Variants in SEL1L3 observed in about 807,000 individuals in gnomAD.
The protein encoded by SEL1L3 is protein sel-1 homolog 3.
A neutral mutation model predicts 142.8 loss-of-function variants in SEL1L3; 76 were observed. The observed-to-expected ratio is 0.53, with a 90% CI of 0.44 to 0.64. The LOEUF is 0.64. SEL1L3 is among the 30% of genes least tolerant of loss of function. The pLI is 0.00. For synonymous variants in SEL1L3, 504 were observed against 519.6 expected (o/e 0.97, Z 0.41); for missense variants, 1,262 against 1,381.7 (o/e 0.91, Z 1.37).
downstream of SEL1L3, among the ~76,000 whole-genome samples, chr4:25,746,515 T>TATATATTTAA (rs1717268390): frequency 1.4e-5 from 1 of 70,820 alleles, no homozygotes; most frequent in African/African-American, 4.4e-5. Flanking sequence ...TAAATATATA[T>TATATATTTAA]ATATATATAT....
chr4:25,777,598 C>G (rs1272018084), intron 16 of SEL1L3: 8 of 322,776 alleles, frequency 2.5e-5, no homozygotes, highest in Non-Finnish European at 3.0e-5. Flanking sequence ...AATCATAAAG[C>G]ACACTTTGAC....
At chr4:25,720,261 T>C in the SEL1L3 span, 1 of 152,066 alleles carries the variant, frequency 6.6e-6, no homozygotes, top group African/African-American at 2.4e-5. Context: ...AGAAGAGGAA[T>C]GTGGTGGCTA....
At chr4:25,722,428 A>T in the SEL1L3 span, among the ~76,000 whole-genome samples, 1 of 152,110 alleles carries the variant, frequency 6.6e-6, no homozygotes, top group African/African-American at 2.4e-5. Flanking sequence ...CTCTGATCCC[A>T]TTTAAGATGA....
At chr4:25,715,262 C>A in the SEL1L3 span, among the ~76,000 whole-genome samples, 1 of 152,256 alleles carries the variant, frequency 6.6e-6, no homozygotes, top group Admixed American at 6.5e-5. Context: ...GAGATTGAGG[C>A]AGGACCATCA....
At chr4:25,823,733 G>C (rs1406301301) in intron 6 of SEL1L3, among the ~76,000 whole-genome samples, 2 of 152,094 alleles carry the variant, frequency 1.3e-5, no homozygotes, top group South Asian at 4.1e-4. Context: ...CAGAGGGAAA[G>C]AAAACAAAGT....
chr4:25,736,076 G>A, the SEL1L3 span, among the ~76,000 whole-genome samples: 14 of 151,590 alleles, frequency 9.2e-5, no homozygotes, highest in Non-Finnish European at 1.6e-4. Context: ...TGATCCACCC[G>A]CCTCGGCCTC....
At chr4:25,804,353 C>T (rs533523493) in intron 10 of SEL1L3, among the ~76,000 whole-genome samples, 188 bp downstream of exon 10, 3 of 152,252 alleles carry the variant, frequency 2.0e-5, no homozygotes, top group South Asian at 4.1e-4. Flanking sequence ...GATGAAGTGC[C>T]CTTTTTCACT....
chr4:25,746,580 TATAG>T (rs1270919424), downstream of SEL1L3, among the ~76,000 whole-genome samples: 4 of 141,322 alleles, frequency 2.8e-5, no homozygotes, highest in South Asian at 2.2e-4. Context: ...TCTTTCTATA[TATAG>T]ATAGATATAG....
intron 16 of SEL1L3, among the ~76,000 whole-genome samples, chr4:25,778,158 C>T (rs1719761901): frequency 6.6e-6 from 1 of 151,950 alleles, no homozygotes; most frequent in Non-Finnish European, 1.5e-5. Flanking sequence ...TGTGCTCCAC[C>T]AAAATTTAAG....
rs1378676975 is a variant in SEL1L3, at chr4:25,757,547, G to A, written c.3246C>T (p.Phe1082=). Residue 1082 remains phenylalanine (F), a synonymous_variant, in exon 23 of 24, where the codon TTC becomes TTT. Transcript: ENST00000399878. The part of the protein sequence containing the change: ...SILIAWTVQY[F]QSVSASDPPP... ...ATAAATCTTTACCTGAGACAGACTGGAAATACTGCACAGTCCAGGCGATCA... is the reference window on the plus strand; with the variant it reads ...ATAAATCTTTACCTGAGACAGACTGAAAATACTGCACAGTCCAGGCGATCA... 1 of 1,545,534 alleles carries A rather than the reference G, an allele frequency of 6.5e-7. No individual in the cohort carries two copies. Among genetic ancestry groups the A allele is most frequent in the Non-Finnish European group, 8.7e-7 (1 of 1,144,974 alleles).
At chr4:25,761,770 A>G (rs535504822) in intron 20 of SEL1L3, among the ~76,000 whole-genome samples, 1 of 152,324 alleles carries the variant, frequency 6.6e-6, no homozygotes, top group African/African-American at 2.4e-5. Context: ...ACAGTAAGAA[A>G]GTATCAACAT....
chr4:25,790,388 A>C, intron 12 of SEL1L3, 67 bp downstream of exon 12: 1 of 1,501,994 alleles, frequency 6.7e-7, no homozygotes, highest in Non-Finnish European at 9.3e-7. Flanking sequence ...GAGATGTTTC[A>C]TTACCACGGT....
At chr4:25,814,423 A>G (rs1026112397) in intron 9 of SEL1L3, among the ~76,000 whole-genome samples, 9 of 152,232 alleles carry the variant, frequency 5.9e-5, no homozygotes, top group Non-Finnish European at 1.2e-4. Context: ...TTCAGTGCCT[A>G]CAATAAGAAT....
chr4:25,832,147 T>C (rs1480806238), intron 5 of SEL1L3, among the ~76,000 whole-genome samples: 2 of 152,214 alleles, frequency 1.3e-5, no homozygotes, highest in Non-Finnish European at 1.5e-5. Flanking sequence ...TACAGACTCT[T>C]CTCAGGAAAG....
chr4:25,841,421 A>C (rs756766553), intron 2 of SEL1L3, among the ~76,000 whole-genome samples: 3 of 152,240 alleles, frequency 2.0e-5, no homozygotes, highest in Non-Finnish European at 4.4e-5. Flanking sequence ...CAAAGTGCTT[A>C]ACACACACAG....
intron 16 of SEL1L3, among the ~76,000 whole-genome samples, chr4:25,778,071 C>T (rs1719755436): frequency 6.6e-6 from 1 of 152,152 alleles, no homozygotes; most frequent in Non-Finnish European, 1.5e-5. Flanking sequence ...TTGACAACTC[C>T]TGTAAAACAT....
chr4:25,746,457 C>T (rs887958900), downstream of SEL1L3, among the ~76,000 whole-genome samples: 5 of 139,214 alleles, frequency 3.6e-5, no homozygotes, highest in African/African-American at 1.4e-4. Context: ...TGCAGTGAGC[C>T]GAGATCGTGC....
intron 17 of SEL1L3, among the ~76,000 whole-genome samples, chr4:25,775,959 T>C (rs938801274): frequency 2.0e-5 from 3 of 152,074 alleles, no homozygotes; most frequent in Non-Finnish European, 4.4e-5. Context: ...TAAGATCCCC[T>C]ATGCTGTCTC....
chr4:25,783,596 G>A lies in SEL1L3; in HGVS notation c.2280+632C>T, dbSNP rs114975264. On this transcript the variant is annotated intron_variant, in intron 14 of 23. Coordinates refer to ENST00000399878, the MANE Select transcript of SEL1L3 (RefSeq NM_015187.5). ...CACACATGAGTGTGCACATGTGGCT[G>A]TGCATGCATTGGGCATATGTGTGTA... Among the ~76,000 whole-genome samples the A allele has an allele frequency of 3.8e-3, 584 of 152,278 alleles. 4 individuals carry two copies. The highest frequency in any genetic ancestry group is 0.013 in the African/African-American group (558 of 41,556).
Sources: gnomAD v4.1 joint callset for allele counts (sites outside exome capture counted in the v4.1 genomes callset) on GRCh38, gnomAD v4.1.1 for gene constraint, MANE v1.5 for transcripts, NCBI Gene and HGNC (gene_info 2026-07-23, HGNC 2026-07-21) for gene names.